The following FGF14 variants were observed in gnomAD, a reference collection of about 807,000 sequenced individuals.
The protein encoded by FGF14 is fibroblast growth factor 14.
Under a neutral mutation model 25.5 loss-of-function variants are expected in FGF14, and 5 were observed. The observed-to-expected ratio is 0.20, with a 90% confidence interval of 0.10 to 0.41. The LOEUF (loss-of-function observed/expected upper bound fraction) is 0.41. FGF14 is among the 10% of genes least tolerant of loss of function. The pLI is 1.00. For missense variants in FGF14, 222 were observed against 320.1 expected, an observed-to-expected ratio of 0.69 and a Z score of 2.34; for synonymous variants, 138 against 118.3, an observed-to-expected ratio of 1.17 and a Z score of -1.08.
At chr13:101,751,165 C>T (rs2037246563) in intron 3 of FGF14, among the ~76,000 whole-genome samples, 1 of 152,116 alleles carries the variant, frequency 6.6e-6, no homozygotes, top group South Asian at 2.1e-4. Context: ...GAATGTACAA[C>T]ACCTAGAGTT....
intron 2 of FGF14, among the ~76,000 whole-genome samples, chr13:101,869,042 C>T (rs979375434): frequency 3.3e-5 from 5 of 152,208 alleles, no homozygotes; most frequent in Non-Finnish European, 7.3e-5. Context: ...TGTGAGCAGT[C>T]TTGCTGACAG....
intron 1 of FGF14, among the ~76,000 whole-genome samples, chr13:102,109,827 C>A (rs1426471250): frequency 1.3e-5 from 2 of 152,132 alleles, no homozygotes; most frequent in Non-Finnish European, 2.9e-5. Context: ...ACCATGTTGG[C>A]CAGGCTGGTC....
At chr13:102,209,637 G>A (rs192651089) in intron 1 of FGF14, among the ~76,000 whole-genome samples, 1 of 152,066 alleles carries the variant, frequency 6.6e-6, no homozygotes, top group African/African-American at 2.4e-5. Flanking sequence ...TCAGCATCTG[G>A]GAATCATGCT....
At chr13:101,737,591 G>C (rs1234948793) in intron 3 of FGF14, among the ~76,000 whole-genome samples, 1 of 151,770 alleles carries the variant, frequency 6.6e-6, no homozygotes, top group African/African-American at 2.4e-5. Context: ...TTGAATAATT[G>C]AATACAAAAT....
chr13:101,948,822 G>A (rs993286813), intron 1 of FGF14, among the ~76,000 whole-genome samples: 1 of 152,122 alleles, frequency 6.6e-6, no homozygotes, highest in Admixed American at 6.5e-5. Context: ...TAGAATAGGG[G>A]AAATGCTAGC....
chr13:102,147,544 G>A (rs1189271512), intron 1 of FGF14, among the ~76,000 whole-genome samples: 1 of 152,204 alleles, frequency 6.6e-6, no homozygotes, highest in Non-Finnish European at 1.5e-5. Context: ...TTGTGACAGT[G>A]CAGAGATACA....
chr13:101,997,944 C>G (rs985728356), intron 1 of FGF14, among the ~76,000 whole-genome samples: 1 of 152,042 alleles, frequency 6.6e-6, no homozygotes, highest in Non-Finnish European at 1.5e-5. Context: ...GATAGCAAAA[C>G]AGTTACTACA....
At chr13:102,348,170 G>A (rs1374166517) in intron 1 of FGF14, among the ~76,000 whole-genome samples, 1 of 152,152 alleles carries the variant, frequency 6.6e-6, no homozygotes, top group Non-Finnish European at 1.5e-5. Context: ...ATCAGTTACA[G>A]CTCAGAAAAG....
chr13:102,097,919 C>T (rs1270083784), intron 1 of FGF14, among the ~76,000 whole-genome samples: 2 of 152,204 alleles, frequency 1.3e-5, no homozygotes, highest in Non-Finnish European at 2.9e-5. Flanking sequence ...TGCTCCCATT[C>T]GTCACCATCA....
chr13:102,186,164 G>T (rs1267805003), intron 1 of FGF14, among the ~76,000 whole-genome samples: 1 of 152,010 alleles, frequency 6.6e-6, no homozygotes, highest in African/African-American at 2.4e-5. Context: ...AAAACAGAAA[G>T]CAGCTACTCT....
chr13:101,946,775 C>T (rs1419159653), intron 1 of FGF14, among the ~76,000 whole-genome samples: 1 of 152,180 alleles, frequency 6.6e-6, no homozygotes, highest in Admixed American at 6.5e-5. Context: ...GGTCACAAGG[C>T]TGATGTTAAG....
intron 1 of FGF14, among the ~76,000 whole-genome samples, chr13:102,010,236 G>A (rs551119317): frequency 4.6e-5 from 7 of 152,248 alleles, no homozygotes; most frequent in Non-Finnish European, 1.0e-4. Context: ...TTATATAACA[G>A]GTTTGAAACA....
At chr13:101,906,043 A>G (rs956415446) in intron 1 of FGF14, among the ~76,000 whole-genome samples, 5 of 152,108 alleles carry the variant, frequency 3.3e-5, no homozygotes, top group African/African-American at 1.2e-4. Context: ...CTTTCCCTAC[A>G]CTTTCCTTTA....
intron 1 of FGF14, among the ~76,000 whole-genome samples, chr13:101,875,865 T>C (rs1165739421): frequency 6.6e-6 from 1 of 152,152 alleles, no homozygotes; most frequent in East Asian, 1.9e-4. Context: ...GTTACTTCCA[T>C]GGAAGTATCT....
Position 101,927,182 on chromosome 13 carries a change from T to C in FGF14, c.209-51886A>G, listed in dbSNP as rs139417955. Among the ~76,000 whole-genome samples the C allele has an allele frequency of 6.7e-4, 102 of 152,322 alleles. 4 individuals are homozygous for C. In the East Asian group the frequency reaches 0.019, roughly 28 times the overall value. ...TTCAGGGATGAGGGTACCCAATGGT[T>C]AAAAGAAGGCTTTGGCTGTGAGTCA... On this transcript the variant is annotated intron_variant, in intron 1 of 4. Coordinates refer to the FGF14 transcript ENST00000376131.
chr13:102,045,652 T>G (rs908355481), intron 1 of FGF14, among the ~76,000 whole-genome samples: 1 of 152,222 alleles, frequency 6.6e-6, no homozygotes, highest in Admixed American at 6.5e-5. Context: ...ACAAATTGTA[T>G]GTATCTGGTT....
At chr13:102,354,416 T>C (rs576292234) in intron 1 of FGF14, among the ~76,000 whole-genome samples, 4 of 152,174 alleles carry the variant, frequency 2.6e-5, no homozygotes, top group Non-Finnish European at 4.4e-5. Flanking sequence ...GATCAAAGAC[T>C]CAAAAGAATG....
At chr13:101,916,317 A>T in intron 1 of FGF14, 136 bp downstream of exon 1, 1 of 1,075,820 alleles carries the variant, frequency 9.3e-7, no homozygotes, top group Non-Finnish European at 1.4e-6. Context: ...CCGCGACGGC[A>T]CCCAGAGTGC....
At chr13:101,886,870 A>G (rs551994161) in intron 1 of FGF14, among the ~76,000 whole-genome samples, 1 of 152,284 alleles carries the variant, frequency 6.6e-6, no homozygotes, top group Middle Eastern at 3.4e-3. Flanking sequence ...AACCCCATTT[A>G]AAAATGGACA....
Sources: allele counts gnomAD v4.1 joint callset (sites outside exome capture counted in the v4.1 genomes callset), GRCh38; gene constraint gnomAD v4.1.1; transcripts MANE v1.5; gene names NCBI Gene and HGNC (gene_info 2026-07-23, HGNC 2026-07-21).